SKIC8: variants seen among roughly 807,000 people sequenced by gnomAD.
SKIC8 encodes SKI8 subunit of superkiller complex.
At chr15:78,292,630 A>G in the SKIC8 span, 11 of 1,614,200 alleles carry the variant, frequency 6.8e-6, no homozygotes, top group Admixed American at 1.7e-5. Flanking sequence ...TCCTGCATCT[A>G]TGGACTTTAT....
the SKIC8 span, chr15:78,283,444 A>G: frequency 1.9e-6 from 3 of 1,613,646 alleles, no homozygotes; most frequent in Admixed American, 3.3e-5. Context: ...AAATTGGACA[A>G]TCATAGATGT....
At chr15:78,284,002 C>T in the SKIC8 span, 1 of 152,904 alleles carries the variant, frequency 6.5e-6, no homozygotes, top group African/African-American at 2.4e-5. Context: ...CCTATGGAGC[C>T]TGCCTGTCCC....
At chr15:78,296,412 T>TAAAAATA in the SKIC8 span, among the ~76,000 whole-genome samples, 19 of 148,562 alleles carry the variant, frequency 1.3e-4, no homozygotes, top group African/African-American at 4.5e-4. Flanking sequence ...TCTTAAAAAA[T>TAAAAATA]AAAAATAAAA....
At chr15:78,293,077 A>C in the SKIC8 span, 1 of 1,190,130 alleles carries the variant, frequency 8.4e-7, no homozygotes, top group Non-Finnish European at 1.2e-6. Flanking sequence ...GCCTAGAAAA[A>C]AGTATTTCCC....
chr15:78,294,984 A>G, the SKIC8 span: 11 of 1,614,032 alleles, frequency 6.8e-6, no homozygotes, highest in Middle Eastern at 1.6e-4. Context: ...CTAAAAAAGA[A>G]CAGAAGCCAC....
the SKIC8 span, among the ~76,000 whole-genome samples, chr15:78,288,090 T>A: frequency 1.3e-5 from 2 of 152,278 alleles, no homozygotes; most frequent in Non-Finnish European, 2.9e-5. Flanking sequence ...AGGGAACCCA[T>A]GCACATCCTC....
the SKIC8 span, chr15:78,288,464 G>A: frequency 7.5e-7 from 1 of 1,340,464 alleles, no homozygotes; most frequent in Non-Finnish European, 1.1e-6. Flanking sequence ...CCCTTTTAAT[G>A]ATTATGAGCC....
the SKIC8 span, chr15:78,292,049 C>T: frequency 3.4e-5 from 5 of 149,034 alleles, no homozygotes; most frequent in Non-Finnish European, 7.6e-5. Flanking sequence ...TTCTACAGTA[C>T]TTAAAACAAA....
At chr15:78,285,109 T>C in the SKIC8 span, 1 of 680,746 alleles carries the variant, frequency 1.5e-6, no homozygotes, top group Non-Finnish European at 2.5e-6. Context: ...ACAGGAACTC[T>C]GGCTACATGG....
the SKIC8 span, chr15:78,295,100 C>T: frequency 9.3e-7 from 1 of 1,074,258 alleles, no homozygotes; most frequent in East Asian, 2.4e-5. Context: ...CTGCTGTCAA[C>T]CTGGCCATCC....
At chr15:78,286,193 A>G in the SKIC8 span, 1 of 1,443,804 alleles carries the variant, frequency 6.9e-7, no homozygotes. Context: ...TAATCACTGA[A>G]GTGGAAAGTA....
chr15:78,293,345 AT>A, the SKIC8 span: 2 of 1,316,356 alleles, frequency 1.5e-6, no homozygotes, highest in East Asian at 4.7e-5. Context: ...CTGTTCAACA[AT>A]TGTGAGGTAA....
At chr15:78,298,726 C>T in the SKIC8 span, among the ~76,000 whole-genome samples, 1 of 152,148 alleles carries the variant, frequency 6.6e-6, no homozygotes, top group Admixed American at 6.5e-5. Flanking sequence ...AGTCAAACCA[C>T]GGTAAGTCAG....
At chr15:78,290,496 C>G in the SKIC8 span, 14 of 157,900 alleles carry the variant, frequency 8.9e-5, no homozygotes, top group Non-Finnish European at 1.7e-4. Flanking sequence ...ATGGTCTTCG[C>G]TTCCTCCTAC....
the SKIC8 span, among the ~76,000 whole-genome samples, chr15:78,293,776 G>C: frequency 6.6e-6 from 1 of 152,014 alleles, no homozygotes; most frequent in African/African-American, 2.4e-5. Flanking sequence ...ATGGTTAATG[G>C]GCCAATTATT....
chr15:78,289,005 T>A, the SKIC8 span: 1 of 419,144 alleles, frequency 2.4e-6, no homozygotes, highest in Non-Finnish European at 4.7e-6. Context: ...ATAGCAAATA[T>A]ATATTAACAC....
the SKIC8 span, chr15:78,283,443 A>G: frequency 6.2e-7 from 1 of 1,613,572 alleles, no homozygotes; most frequent in Non-Finnish European, 8.5e-7. Flanking sequence ...TAAATTGGAC[A>G]ATCATAGATG....
chr15:78,297,103 T>G, the SKIC8 span, among the ~76,000 whole-genome samples: 1 of 152,250 alleles, frequency 6.6e-6, no homozygotes, highest in African/African-American at 2.4e-5. Flanking sequence ...ACATATTTTC[T>G]CCATAAGACA....
the SKIC8 span, chr15:78,295,981 G>A: frequency 2.8e-6 from 1 of 354,688 alleles, no homozygotes; most frequent in Non-Finnish European, 5.0e-6. Flanking sequence ...TGACTGCAGA[G>A]AGCGACCAGT....
Sources: allele counts gnomAD v4.1 joint callset (sites outside exome capture counted in the v4.1 genomes callset), GRCh38; gene constraint gnomAD v4.1.1; transcripts MANE v1.5; gene names NCBI Gene and HGNC (gene_info 2026-07-23, HGNC 2026-07-21).